Variants in LAMA3 observed in about 807,000 individuals in gnomAD.
LAMA3 encodes laminin subunit alpha 3, also known as laminin subunit alpha-3.
In LAMA3, 281 loss-of-function variants were observed where a neutral mutation model predicts 402.0. That is an observed-to-expected ratio of 0.70 (90% CI 0.63 to 0.77). The LOEUF is 0.77. Ranked by LOEUF, LAMA3 falls within the 30% of genes least tolerant of loss-of-function variation. The pLI, the probability that LAMA3 is intolerant of heterozygous loss-of-function variation, is 0.00. For missense variants in LAMA3, 3,840 were observed against 4,215.5 expected, an observed-to-expected ratio of 0.91 and a Z score of 2.47; for synonymous variants, 1,431 against 1,558.4, an observed-to-expected ratio of 0.92 and a Z score of 1.93.
chr18:23,816,334 C>T (rs774926810), intron 17 of LAMA3, 54 bp from the exon 18 acceptor site: 154 of 1,385,232 alleles, frequency 1.1e-4, no homozygotes, highest in Non-Finnish European at 1.5e-4. Context: ...GCAGGGGAGG[C>T]GCTCAGTGTG....
chr18:23,784,872 A>G (rs2062512036), intron 12 of LAMA3, among the ~76,000 whole-genome samples: 1 of 152,108 alleles, frequency 6.6e-6, no homozygotes, highest in African/African-American at 2.4e-5. Flanking sequence ...GAGAAAGAGG[A>G]GAAGATTATC....
intron 2 of LAMA3, among the ~76,000 whole-genome samples, chr18:23,737,481 G>T (rs1248007306): frequency 1.3e-5 from 2 of 152,332 alleles, no homozygotes; most frequent in East Asian, 3.9e-4. Context: ...TGCTATGAAA[G>T]ATGCCTGCTG....
intron 12 of LAMA3, among the ~76,000 whole-genome samples, chr18:23,808,446 T>C (rs2144262496): frequency 6.6e-6 from 1 of 152,356 alleles, no homozygotes; most frequent in Middle Eastern, 3.4e-3. Context: ...CCCACAGATA[T>C]GGAAGGCTAA....
chr18:23,863,299 G>A (rs184206737), intron 35 of LAMA3, among the ~76,000 whole-genome samples: 2 of 152,306 alleles, frequency 1.3e-5, no homozygotes, highest in East Asian at 3.9e-4. Context: ...ACAAAAATTA[G>A]CTGGGCATGG....
intron 35 of LAMA3, among the ~76,000 whole-genome samples, chr18:23,862,977 T>G: frequency 7.3e-6 from 1 of 136,628 alleles, no homozygotes; most frequent in African/African-American, 2.8e-5. Flanking sequence ...CAAAGCAACT[T>G]ATGGGGGGTG....
intron 72 of LAMA3, among the ~76,000 whole-genome samples, chr18:23,950,582 T>C (rs902761192): frequency 2.0e-5 from 3 of 152,198 alleles, no homozygotes; most frequent in Admixed American, 6.5e-5. Context: ...TGAGTCAACA[T>C]CTTATTTTCC....
chr18:23,935,687 T>C (rs1180412676), intron 67 of LAMA3, among the ~76,000 whole-genome samples: 1 of 152,148 alleles, frequency 6.6e-6, no homozygotes, highest in Non-Finnish European at 1.5e-5. Flanking sequence ...CCTCATGATG[T>C]TGATGTGAGG....
intron 2 of LAMA3, among the ~76,000 whole-genome samples, chr18:23,727,080 T>G (rs1198473333): frequency 6.6e-6 from 1 of 152,244 alleles, no homozygotes; most frequent in Non-Finnish European, 1.5e-5. Context: ...CAGAAACTTT[T>G]TAGTTTAATT....
rs370126155 is a variant in LAMA3, at chr18:23,842,575, G to A, written c.3464-36G>A. Reference sequence around the variant, plus strand: ...CTGCCTCAGGCTGAATCTACAGTCCGGTGCATGACAGAAAGTCTCTCTCTC... The same window carrying A: ...CTGCCTCAGGCTGAATCTACAGTCCAGTGCATGACAGAAAGTCTCTCTCTC... On this transcript the variant is annotated intron_variant, in intron 28 of 74. Coordinates refer to ENST00000313654, the MANE Select transcript of LAMA3 (RefSeq NM_198129.4). 16 of 1,614,018 alleles carry A rather than the reference G, an allele frequency of 9.9e-6. No individual in the cohort carries two copies. In the Middle Eastern group the frequency reaches 6.6e-4, roughly 66 times the overall value.
At chr18:23,863,764 G>A (rs1247109145) in intron 35 of LAMA3, among the ~76,000 whole-genome samples, 2 of 152,140 alleles carry the variant, frequency 1.3e-5, no homozygotes, top group East Asian at 3.8e-4. Flanking sequence ...CTAATCAGAG[G>A]TGACCTTGCC....
intron 14 of LAMA3, among the ~76,000 whole-genome samples, chr18:23,813,537 T>A (rs1426142103): frequency 6.6e-6 from 1 of 150,866 alleles, no homozygotes; most frequent in East Asian, 2.0e-4. Flanking sequence ...TTTTTTCTTT[T>A]TCTTTTCTTT....
chr18:23,916,450 T>G (rs989492892), intron 59 of LAMA3, 101 bp from the exon 60 acceptor site: 4 of 1,366,532 alleles, frequency 2.9e-6, no homozygotes, highest in Non-Finnish European at 4.2e-6. Flanking sequence ...TTGCATTTTC[T>G]TGGCTCCATT....
intron 1 of LAMA3, among the ~76,000 whole-genome samples, chr18:23,691,253 C>T (rs2060582140): frequency 2.0e-5 from 3 of 152,022 alleles, no homozygotes; most frequent in Non-Finnish European, 4.4e-5. Flanking sequence ...TGCTTATTTA[C>T]TTATAAACTA....
chr18:23,845,161 A>G (rs1432707689), intron 30 of LAMA3, 37 bp downstream of exon 30: 1 of 1,207,396 alleles, frequency 8.3e-7, no homozygotes, highest in East Asian at 2.3e-5. Context: ...TGGAATGCAG[A>G]GGCACTCCCA....
At position 23,801,930 on chromosome 18, in the gene LAMA3, T is replaced by C. The variant is rs947164633; in HGVS notation, c.1604-8436T>C. On this transcript the variant is annotated intron_variant, in intron 12 of 74. Transcript: ENST00000313654. ...TCAGTTGGAAAACAAAGATTTTTGT[T>C]TTACATACATATAACATACGCATAT... Among the ~76,000 whole-genome samples, 4 of 152,196 alleles carry C rather than the reference T, an allele frequency of 2.6e-5. No individual in the cohort carries two copies. In the South Asian group the frequency reaches 6.2e-4, roughly 24 times the overall value.
chr18:23,712,664 C>G (rs915066794), intron 1 of LAMA3, among the ~76,000 whole-genome samples: 1 of 147,036 alleles, frequency 6.8e-6, no homozygotes, highest in Non-Finnish European at 1.5e-5. Flanking sequence ...AGATACCTCA[C>G]CATGCATGAA....
At chr18:23,746,808 A>G (rs2061659272) in intron 2 of LAMA3, among the ~76,000 whole-genome samples, 1 of 151,818 alleles carries the variant, frequency 6.6e-6, no homozygotes, top group Non-Finnish European at 1.5e-5. Flanking sequence ...AAAAAGTTTG[A>G]GTCTCATTGT....
intron 39 of LAMA3, among the ~76,000 whole-genome samples, chr18:23,878,816 C>A (rs557795049): frequency 6.6e-6 from 1 of 152,318 alleles, no homozygotes; most frequent in East Asian, 1.9e-4. Flanking sequence ...AGTAGCCCAA[C>A]TTTTTGCCAG....
At chr18:23,858,980 G>C (rs2064151809) in intron 34 of LAMA3, 151 bp downstream of exon 34, 2 of 812,468 alleles carry the variant, frequency 2.5e-6, no homozygotes, top group Non-Finnish European at 4.2e-6. Context: ...GTGTTCAGAG[G>C]GGCTTTCCTT....
Sources: allele counts gnomAD v4.1 joint callset (sites outside exome capture counted in the v4.1 genomes callset), GRCh38; gene constraint gnomAD v4.1.1; transcripts MANE v1.5; gene names NCBI Gene and HGNC (gene_info 2026-07-23, HGNC 2026-07-21).